Variants in MYO9A observed in about 807,000 individuals in gnomAD.
MYO9A encodes the protein myosin IXA, also known as unconventional myosin-IXa.
A neutral mutation model predicts 293.3 loss-of-function variants in MYO9A; 103 were observed. The ratio of observed to expected loss-of-function variants is 0.35; its 90% CI spans 0.30 to 0.41. The LOEUF (loss-of-function observed/expected upper bound fraction) is 0.41, where lower values mean the gene tolerates loss of function less well. Among genes scored for constraint, MYO9A ranks in the 10% least tolerant of loss-of-function variants. The pLI is 1.00. For synonymous variants in MYO9A, 1,001 were observed against 1,035.7 expected (o/e 0.97, Z 0.64); for missense variants, 2,685 against 3,033.0 (o/e 0.89, Z 2.69).
At chr15:72,112,972 T>C (rs7172158) in intron 1 of MYO9A, among the ~76,000 whole-genome samples, 103,148 of 152,028 alleles carry the variant, frequency 0.68, 35,897 homozygotes, top group Non-Finnish European at 0.76. Flanking sequence ...TGGCTCAGCC[T>C]GTAATCCTAG....
chr15:71,980,847 A>C (rs1374130212), intron 11 of MYO9A, among the ~76,000 whole-genome samples: 1 of 152,174 alleles, frequency 6.6e-6, no homozygotes, highest in South Asian at 2.1e-4. Flanking sequence ...TAAAAACAAA[A>C]AACAAACAAA....
At chr15:72,008,436 G>GGT (rs57267628) in intron 7 of MYO9A, among the ~76,000 whole-genome samples, 18,372 of 138,616 alleles carry the variant, frequency 0.13, 1,153 homozygotes, top group African/African-American at 0.16. Flanking sequence ...GAGGTAAATG[G>GGT]GTGTGTGTGT....
At chr15:71,833,442 A>AT (rs1250197572) in intron 39 of MYO9A, among the ~76,000 whole-genome samples, 32 of 152,284 alleles carry the variant, frequency 2.1e-4, no homozygotes, top group African/African-American at 7.5e-4. Context: ...ATTTCCAAAT[A>AT]TGTATGTACC....
rs79120957 is a variant in MYO9A at position 71,882,437 on chromosome 15, C to A, written c.5398+1157G>T. On this transcript the variant is annotated intron_variant, in intron 28 of 41. Transcript: ENST00000356056. Reference sequence around the variant, plus strand: ...TGAACGATGAACTAACTGTTGAGTACTTCTCAAATGTGTTATGCTGCACGC... The same window carrying A: ...TGAACGATGAACTAACTGTTGAGTAATTCTCAAATGTGTTATGCTGCACGC... Among the ~76,000 whole-genome samples, 361 of 152,246 alleles carry A rather than the reference C, an allele frequency of 2.4e-3. 4 individuals are homozygous for A. The East Asian group carries it at 0.046, about 19-fold the overall frequency.
intron 8 of MYO9A, among the ~76,000 whole-genome samples, chr15:72,002,338 C>G (rs957402603): frequency 2.6e-5 from 4 of 151,756 alleles, no homozygotes; most frequent in Admixed American, 2.6e-4. Flanking sequence ...ACCTCCGCCT[C>G]CCAGGTTCAA....
chr15:72,075,036 C>T (rs2079307883), intron 1 of MYO9A, among the ~76,000 whole-genome samples: 1 of 132,844 alleles, frequency 7.5e-6, no homozygotes, highest in African/African-American at 2.8e-5. Context: ...ACGATCTCAG[C>T]TCACTGTAAC....
chr15:71,946,551 TTG>T (rs1334494326), intron 15 of MYO9A, among the ~76,000 whole-genome samples: 5 of 152,338 alleles, frequency 3.3e-5, no homozygotes, highest in African/African-American at 1.2e-4. Flanking sequence ...GGTAATAGCT[TTG>T]TGTCTTCTCT....
intron 18 of MYO9A, among the ~76,000 whole-genome samples, chr15:71,919,933 A>T (rs561169135): frequency 6.6e-6 from 1 of 152,036 alleles, no homozygotes; most frequent in East Asian, 1.9e-4. Context: ...CCATATACCT[A>T]ACAATAACCT....
intron 1 of MYO9A, among the ~76,000 whole-genome samples, chr15:72,079,335 T>C (rs1236332669): frequency 2.0e-5 from 3 of 152,030 alleles, no homozygotes; most frequent in Non-Finnish European, 4.4e-5. Context: ...AAAAATAAAG[T>C]ATATTAATTA....
chr15:71,923,648 G>T (rs2058214175), intron 18 of MYO9A, among the ~76,000 whole-genome samples: 1 of 152,128 alleles, frequency 6.6e-6, no homozygotes, highest in African/African-American at 2.4e-5. Flanking sequence ...TTGCCTTATA[G>T]TTGTTAGTAA....
At chr15:71,957,787 G>T (rs958215092) in intron 14 of MYO9A, among the ~76,000 whole-genome samples, 2 of 152,130 alleles carry the variant, frequency 1.3e-5, no homozygotes, top group African/African-American at 4.8e-5. Context: ...TGTAGATGAA[G>T]AAACTGAAAA....
chr15:72,028,240 A>ATATATATATATATATAT (rs1429916158), intron 3 of MYO9A, among the ~76,000 whole-genome samples: 1 of 79,702 alleles, frequency 1.3e-5, no homozygotes, highest in African/African-American at 4.0e-5. Flanking sequence ...TATATATATA[A>ATATATATATATATATAT]ATATATATAT....
chr15:71,935,199 C>T (rs2058603520), intron 17 of MYO9A, 142 bp downstream of exon 17: 1 of 897,900 alleles, frequency 1.1e-6, no homozygotes, highest in Non-Finnish European at 1.6e-6. Context: ...ACCTAAATAA[C>T]TTTGAGTCTT....
chr15:71,934,221 T>C (rs1468800519), intron 17 of MYO9A, among the ~76,000 whole-genome samples: 1 of 152,112 alleles, frequency 6.6e-6, no homozygotes, highest in African/African-American at 2.4e-5. Context: ...TTAGCCTTTT[T>C]TATGGCCACA....
chr15:71,947,693 A>G (rs1312628989), intron 15 of MYO9A, among the ~76,000 whole-genome samples: 1 of 152,224 alleles, frequency 6.6e-6, no homozygotes, highest in East Asian at 1.9e-4. Flanking sequence ...TAGGGACATT[A>G]AAGTAGGCAC....
chr15:71,979,503 A>T (rs754615452), intron 11 of MYO9A, among the ~76,000 whole-genome samples: 1 of 152,222 alleles, frequency 6.6e-6, no homozygotes, highest in African/African-American at 2.4e-5. Context: ...CTATTTATAA[A>T]TAGTATCTAA....
chr15:72,024,677 A>C lies in MYO9A; in HGVS notation c.998+3054T>G, dbSNP rs567354685. On this transcript the variant is annotated intron_variant, in intron 4 of 41. Transcript: ENST00000356056. ...GTACCACCATAAAGAAGTAATTTGC[A>C]TAACAATTACAGGACAAAGGAGCAA... Among the ~76,000 whole-genome samples the C allele has an allele frequency of 4.5e-4, 68 of 152,376 alleles. 1 individual carries two copies. In the South Asian group the frequency reaches 7.2e-3, roughly 16 times the overall value.
At chr15:71,962,788 T>A (rs963759939) in intron 13 of MYO9A, among the ~76,000 whole-genome samples, 2 of 152,222 alleles carry the variant, frequency 1.3e-5, no homozygotes, top group Non-Finnish European at 2.9e-5. Context: ...CTCCTATTAA[T>A]AACTACACTG....
chr15:71,911,996 T>A (rs1460813167), intron 19 of MYO9A, among the ~76,000 whole-genome samples: 41 of 152,202 alleles, frequency 2.7e-4, no homozygotes, highest in Admixed American at 2.7e-3. Context: ...GTATATTTTA[T>A]GGTTCCATTT....
Sources: allele counts gnomAD v4.1 joint callset (sites outside exome capture counted in the v4.1 genomes callset), GRCh38; gene constraint gnomAD v4.1.1; transcripts MANE v1.5; gene names NCBI Gene and HGNC (gene_info 2026-07-23, HGNC 2026-07-21).